ZNF433: variants seen among roughly 807,000 people sequenced by gnomAD.
The protein encoded by ZNF433 is zinc finger protein 433.
A neutral mutation model predicts 10.6 loss-of-function variants in ZNF433; 12 were observed. The observed-to-expected ratio is 1.13, with a 90% CI of 0.72 to 1.83. The LOEUF (loss-of-function observed/expected upper bound fraction) is 1.83. ZNF433 is among the 40% of genes most tolerant of loss of function. The pLI, the probability that ZNF433 is intolerant of heterozygous loss-of-function variation, is 0.00. For synonymous variants in ZNF433, 272 were observed against 271.3 expected, an observed-to-expected ratio of 1.00 and a Z score of -0.02; for missense variants, 737 against 798.0, an observed-to-expected ratio of 0.92 and a Z score of 0.92.
intron 1 of ZNF433, among the ~76,000 whole-genome samples, chr19:12,033,880 G>A (rs1178362201): frequency 1.3e-5 from 2 of 152,050 alleles, no homozygotes; most frequent in South Asian, 2.1e-4. Flanking sequence ...AAGGAGAGTT[G>A]GTGTCTGCAA....
rs181458397 is a variant in ZNF433, at chr19:12,026,501, G to A, written c.4-8209C>T. The A allele has an allele frequency of 2.2e-4, 76 of 346,180 alleles. 1 individual carries two copies. Among genetic ancestry groups the A allele is most frequent in the African/African-American group, 1.4e-3 (67 of 46,254 alleles). 21.4% of individuals were successfully genotyped at this position (346,180 alleles called of 1,614,324 possible). A position where few individuals can be genotyped will look rare whatever the true frequency, so the allele number is the denominator to read the frequency against. ...TATTCCTTCAACAAGGGCTGACACAGAGAACAATTACACTTATTGGGCATA... is the reference window on the plus strand; with the variant it reads ...TATTCCTTCAACAAGGGCTGACACAAAGAACAATTACACTTATTGGGCATA... On this transcript the variant is annotated intron_variant, in intron 1 of 3. Transcript: ENST00000550507.
At chr19:12,022,640 G>A (rs1441035403) in intron 1 of ZNF433, among the ~76,000 whole-genome samples, 1 of 152,180 alleles carries the variant, frequency 6.6e-6, no homozygotes, top group African/African-American at 2.4e-5. Flanking sequence ...AGGGGAGCTT[G>A]GAAGCATCAG....
At chr19:12,018,397 A>ATC in intron 1 of ZNF433, 105 bp from the exon 2 acceptor site, 1 of 1,349,226 alleles carries the variant, frequency 7.4e-7, no homozygotes, top group Non-Finnish European at 9.8e-7. Context: ...ACTCAAAACA[A>ATC]TTATTCCATG....
At chr19:12,031,772 C>T (rs566358241) in intron 1 of ZNF433, among the ~76,000 whole-genome samples, 47 of 151,958 alleles carry the variant, frequency 3.1e-4, no homozygotes, top group South Asian at 2.9e-3. Context: ...CACCTGTGAG[C>T]CCAGCTACTC....
At chr19:12,024,935 T>C (rs774048980) in intron 1 of ZNF433, 15 of 152,250 alleles carry the variant, frequency 9.9e-5, no homozygotes, top group Non-Finnish European at 1.5e-4. Context: ...ACAGTCTTAC[T>C]TGGCAAACCC....
Position 12,014,796 on chromosome 19 carries a change from A to G in ZNF433, c.*49T>C. 1.4e-6 allele frequency: 2 copies of G among 1,402,274 alleles called. No individual in the cohort carries two copies. The highest frequency in any genetic ancestry group is 1.9e-4 in the Middle Eastern group (1 of 5,220). The allele number at this position is 1,402,274 out of a possible 1,614,324, so 86.9% of individuals were successfully genotyped here. On this transcript the variant is annotated 3_prime_UTR_variant, in exon 4 of 4. Transcript: ENST00000550507. Reference sequence around the variant, plus strand: ...ACTATGTTGCCCAGGCTGGTCTTGAACTCCTGGGCTTAAGCAGTCCCCCCA... The same window carrying G: ...ACTATGTTGCCCAGGCTGGTCTTGAGCTCCTGGGCTTAAGCAGTCCCCCCA...
At chr19:12,021,637 T>C (rs1179515644) in intron 1 of ZNF433, among the ~76,000 whole-genome samples, 1 of 152,234 alleles carries the variant, frequency 6.6e-6, no homozygotes. Flanking sequence ...CATATTACAA[T>C]TGTGCTGAAT....
intron 1 of ZNF433, chr19:12,023,691 A>C (rs1325065456): frequency 6.6e-6 from 1 of 152,152 alleles, no homozygotes; most frequent in Non-Finnish European, 1.5e-5. Flanking sequence ...GAGTTGGTAA[A>C]GCCCCTGAAG....
chr19:12,024,540 C>G (rs1392858066), intron 1 of ZNF433: 2 of 152,228 alleles, frequency 1.3e-5, no homozygotes, highest in Non-Finnish European at 2.9e-5. Context: ...GGCATTCCTA[C>G]CTATGCTATG....
In ZNF433 at chr19:12,016,347, C is replaced by G; in HGVS notation, c.511G>C (p.Glu171Gln). The change falls in exon 4 of 4, where the codon GAA (glutamate) becomes CAA (glutamine). Residue 171 changes from glutamate (E) to glutamine (Q), a missense_variant. Physicochemically the swap from Glu to Gln is conservative, Grantham distance 29. Transcript: ENST00000550507. ...HSGRKLYVCE[E>Q]CGKTFISHSN... ...TGGGAAATAAATGTTTTTCCGCATT[C>G]CTCACAAACATAGAGTTTCCTTCCA... 1 of 1,614,200 alleles carries G rather than the reference C, an allele frequency of 6.2e-7. No individual in the cohort carries two copies. The highest frequency in any genetic ancestry group is 8.5e-7 in the Non-Finnish European group (1 of 1,180,032).
At chr19:12,027,946 C>A (rs1357242627) in intron 1 of ZNF433, 3 of 152,204 alleles carry the variant, frequency 2.0e-5, no homozygotes, top group African/African-American at 7.2e-5. Flanking sequence ...AGGAATTCTA[C>A]AAACCATGTA....
chr19:12,034,618 A>C (rs1975189394), intron 1 of ZNF433: 1 of 309,108 alleles, frequency 3.2e-6, no homozygotes, highest in African/African-American at 2.2e-5. Context: ...GAATTCACAA[A>C]ATCTAAAGAA....
intron 1 of ZNF433, among the ~76,000 whole-genome samples, chr19:12,022,924 G>C (rs1165699396): frequency 6.6e-6 from 1 of 152,184 alleles, no homozygotes; most frequent in Non-Finnish European, 1.5e-5. Flanking sequence ...GCAGCACCTT[G>C]AGCAATGGCT....
At position 12,014,820 on chromosome 19, in the gene ZNF433, C is replaced by A. The variant is rs767797905; in HGVS notation, c.*25G>T. On this transcript the variant is annotated 3_prime_UTR_variant, in exon 4 of 4. Transcript: ENST00000550507. ...AACTCCTGGGCTTAAGCAGTCCCCC[C>A]ACCTCAGCCTCCTAAAGCCTGGGGT... 4.0e-6 allele frequency: 6 copies of A among 1,500,684 alleles called. No homozygotes were observed. Among genetic ancestry groups the A allele is most frequent in the South Asian group, 2.7e-5 (2 of 75,020 alleles). The allele number at this position is 1,500,684 out of a possible 1,614,324, so 93.0% of individuals were successfully genotyped here. A position where few individuals can be genotyped will look rare whatever the true frequency, so the allele number is the denominator to read the frequency against.
At chr19:12,029,349 C>A (rs1426829366) in intron 1 of ZNF433, among the ~76,000 whole-genome samples, 1 of 151,412 alleles carries the variant, frequency 6.6e-6, no homozygotes, top group African/African-American at 2.4e-5. Flanking sequence ...TGGTGAAACC[C>A]CTCTCTACTA....
Position 12,018,207 on chromosome 19 carries a change from C to A in ZNF433, c.89G>T (p.Arg30Ile), listed in dbSNP as rs1232983095. 1.9e-6 allele frequency: 3 copies of A among 1,612,602 alleles called. No individual in the cohort carries two copies. The highest frequency in any genetic ancestry group is 2.5e-6 in the Non-Finnish European group (3 of 1,179,482). ...LLDPSQKNLC[R>I]DVMQETFRNL... The stretch of plus-strand genomic sequence containing the variant: ...CCTGAAGGTTTCTTGCATCACATCT[C>A]TACAGAGATTTTTCTGGGAAGGATC... Residue 30 changes from arginine (R) to isoleucine (I), a missense_variant, in exon 2 of 4, where the codon AGA becomes ATA. Physicochemically the swap from Arg to Ile is moderately conservative, Grantham distance 97. Transcript: ENST00000550507.
intron 1 of ZNF433, among the ~76,000 whole-genome samples, chr19:12,029,521 CAAAAAAAAAAAAAA>C (rs55659942): frequency 2.1e-5 from 1 of 48,424 alleles, no homozygotes; most frequent in Non-Finnish European, 3.5e-5. Flanking sequence ...GACTCTGTCT[CAAAAAAAAAAAAAA>C]AAAAAAAAAA....
In ZNF433 at chr19:12,016,302, T is replaced by C. The variant is rs757259689; in HGVS notation, c.556A>G (p.Arg186Gly). ...GGTCCATCTCCACGGTGCATTATCC[T>C]GTGTCTTTGAAGGTTTGAATGGGAA... The part of the protein sequence containing the change: ...FISHSNLQRH[R>G]IMHRGDGPYK... The change falls in exon 4 of 4, where the codon AGG (arginine) becomes GGG (glycine). Residue 186 changes from arginine (R) to glycine (G), a missense_variant. Arg to Gly is a moderately radical substitution (Grantham distance 125, BLOSUM62 -2). Coordinates refer to ENST00000550507, the MANE Select transcript of ZNF433 (RefSeq NM_001308348.2). 9.3e-6 allele frequency: 15 copies of C among 1,614,232 alleles called. No homozygotes were observed. Among genetic ancestry groups the C allele is most frequent in the Non-Finnish European group, 1.0e-5 (12 of 1,180,028 alleles).
Position 12,015,599 on chromosome 19 carries a change from T to C in ZNF433, c.1259A>G (p.Glu420Gly), listed in dbSNP as rs1167823398. 1.2e-6 allele frequency: 2 copies of C among 1,614,024 alleles called. No homozygotes were observed. The highest frequency in any genetic ancestry group is 3.3e-5 in the Admixed American group (2 of 60,008). ...ERTHTGEKPYECKQCGKAFRS... is the reference protein window; with the variant it reads ...ERTHTGEKPYGCKQCGKAFRS... ...GAAGGCTTTCCCACATTGCTTACAC[T>C]CGTAAGGTTTCTCTCCAGTGTGAGT... is the stretch of plus-strand genomic sequence containing the variant. The change falls in exon 4 of 4, where the codon GAG becomes GGG. Residue 420 changes from glutamate (E) to glycine (G), a missense_variant. Glu to Gly is a moderately conservative substitution (Grantham distance 98, BLOSUM62 -2). Transcript: ENST00000550507.
Sources: allele counts gnomAD v4.1 joint callset (sites outside exome capture counted in the v4.1 genomes callset), GRCh38; gene constraint gnomAD v4.1.1; transcripts MANE v1.5; gene names NCBI Gene and HGNC (gene_info 2026-07-23, HGNC 2026-07-21).